The following COL14A1 variants were observed in gnomAD, a reference collection of about 807,000 sequenced individuals.
The protein encoded by COL14A1 is collagen alpha-1(XIV) chain.
In COL14A1, 136 loss-of-function variants were observed where a neutral mutation model predicts 230.3. The observed-to-expected ratio is 0.59, with a 90% CI of 0.51 to 0.68. The LOEUF (loss-of-function observed/expected upper bound fraction) is 0.68. Among genes scored for constraint, COL14A1 ranks in the 30% least tolerant of loss-of-function variants. The pLI is 0.00. For missense variants in COL14A1, 1,976 were observed against 2,215.8 expected, an observed-to-expected ratio of 0.89 and a Z score of 2.17; for synonymous variants, 792 against 784.1, an observed-to-expected ratio of 1.01 and a Z score of -0.17.
At chr8:120,306,654 T>C (rs1820866699) in intron 36 of COL14A1, among the ~76,000 whole-genome samples, 2 of 152,144 alleles carry the variant, frequency 1.3e-5, no homozygotes. Flanking sequence ...AAATGAGTGT[T>C]TTCGTCAACA....
At chr8:120,337,401 TAAAAAAAAAAAAA>T in intron 42 of COL14A1, among the ~76,000 whole-genome samples, 1 of 129,460 alleles carries the variant, frequency 7.7e-6, no homozygotes, top group East Asian at 2.2e-4. Context: ...GTCTCAAAAT[TAAAAAAAAAAAAA>T]AAAAGAAAAA....
intron 12 of COL14A1, 44 bp from the exon 13 acceptor site, chr8:120,212,401 GAAT>G: frequency 6.2e-7 from 1 of 1,602,212 alleles, no homozygotes; most frequent in Non-Finnish European, 8.5e-7. Flanking sequence ...TGATCAGCAT[GAAT>G]AATATGTATT....
chr8:120,204,914 T>C lies in COL14A1; in HGVS notation c.1039+1044T>C, dbSNP rs1391831082. ...TCTCTCTTGATATCATAGATAGGATTGTAGGGGAAAAGATTCATTACCATC... is the reference window on the plus strand; with the variant it reads ...TCTCTCTTGATATCATAGATAGGATCGTAGGGGAAAAGATTCATTACCATC... On this transcript the variant is annotated intron_variant, in intron 9 of 47. Transcript: ENST00000297848. 2.6e-5 allele frequency among the ~76,000 whole-genome samples: 4 copies of C among 152,106 alleles called. No homozygotes were observed. In the East Asian group the frequency reaches 5.8e-4, roughly 22 times the overall value.
At chr8:120,159,912 G>C (rs1162908916) in intron 3 of COL14A1, among the ~76,000 whole-genome samples, 2 of 152,042 alleles carry the variant, frequency 1.3e-5, no homozygotes, top group Admixed American at 1.3e-4. Flanking sequence ...GACTAGTCTT[G>C]AACTCCTGAC....
chr8:120,234,779 T>A (rs1380338647), intron 19 of COL14A1, among the ~76,000 whole-genome samples: 1 of 152,180 alleles, frequency 6.6e-6, no homozygotes, highest in Non-Finnish European at 1.5e-5. Context: ...ATGTTCTTTT[T>A]TTGTTGTGTC....
chr8:120,310,689 G>C (rs191118447), intron 37 of COL14A1, among the ~76,000 whole-genome samples: 49 of 152,320 alleles, frequency 3.2e-4, no homozygotes, highest in African/African-American at 1.2e-3. Context: ...CTTCTCTCCA[G>C]CTCTTGGCAA....
intron 3 of COL14A1, among the ~76,000 whole-genome samples, chr8:120,161,687 G>A (rs189861360): frequency 1.6e-3 from 243 of 152,032 alleles, no homozygotes; most frequent in African/African-American, 5.3e-3. Flanking sequence ...TTTTGAGGCG[G>A]AGTCTCGGTC....
rs1247673055 is a variant in COL14A1, at chr8:120,280,967, A to G, written c.3732A>G (p.Ser1244=). 8.7e-6 allele frequency: 14 copies of G among 1,608,980 alleles called. No homozygotes were observed. Among genetic ancestry groups the G allele is most frequent in the Non-Finnish European group, 1.2e-5 (14 of 1,178,200 alleles). ...TTGGTTTGGTTGAAAAAGATTTTTC[A>G]TCAGTGGAAGGGGTTTCTATGGAGC... The part of the protein sequence containing the change: ...EMFGLVEKDF[S]SVEGVSMEPG... Residue 1244 remains serine, a synonymous_variant, in exon 31 of 48, where the codon TCA becomes TCG. Coordinates refer to ENST00000297848, the MANE Select transcript of COL14A1 (RefSeq NM_021110.4).
chr8:120,178,777 G>T (rs551007686), intron 5 of COL14A1, among the ~76,000 whole-genome samples: 1 of 152,100 alleles, frequency 6.6e-6, no homozygotes, highest in Non-Finnish European at 1.5e-5. Flanking sequence ...ATTCTAACTG[G>T]CATTAGATGA....
At chr8:120,200,755 A>G (rs1174455339) in intron 8 of COL14A1, among the ~76,000 whole-genome samples, 9 of 58,264 alleles carry the variant, frequency 1.5e-4, no homozygotes, top group African/African-American at 5.5e-4. Flanking sequence ...ATATATATAT[A>G]TATATATATA....
Position 120,342,451 on chromosome 8 carries a change from G to A in COL14A1, c.4888+5G>A. The A allele has an allele frequency of 6.2e-7, 1 of 1,613,134 alleles. No homozygotes were observed. Among genetic ancestry groups the A allele is most frequent in the Non-Finnish European group, 8.5e-7 (1 of 1,179,092 alleles). ...TATGCGAACAGCTCATCCAGAGTAA[G>A]TATGTAATGGTTACGGAGGATGTTC... On this transcript the variant is annotated splice_donor_5th_base_variant and intron_variant, in intron 44 of 47. Transcript: ENST00000297848.
At chr8:120,248,954 C>A in intron 21 of COL14A1, among the ~76,000 whole-genome samples, 1 of 103,630 alleles carries the variant, frequency 9.6e-6, no homozygotes, top group Non-Finnish European at 1.7e-5. Context: ...GAGACGGAGT[C>A]TCGCTCTGTC....
chr8:120,315,687 T>C (rs1821200183), intron 39 of COL14A1, 101 bp downstream of exon 39: 1 of 1,023,082 alleles, frequency 9.8e-7, no homozygotes, highest in Admixed American at 2.2e-5. Context: ...TCTTGGTAAG[T>C]GTTTTCCATA....
Position 120,208,340 on chromosome 8 carries a change from C to T in COL14A1, c.1300C>T (p.Leu434=), listed in dbSNP as rs1817512182. ...CTATGCCCACACTGCTAGTGAAGGC[C>T]TACGGGGAACTGAAACTACACGTAT... The part of the protein sequence containing the change: ...AIYAHTASEG[L]RGTETTLALP... The change falls in exon 11 of 48, where the codon CTA becomes TTA. Residue 434 remains leucine, a synonymous_variant. Coordinates refer to ENST00000297848, the MANE Select transcript of COL14A1 (RefSeq NM_021110.4). 1 of 1,613,086 alleles carries T rather than the reference C, an allele frequency of 6.2e-7. No homozygotes were observed. Among genetic ancestry groups the T allele is most frequent in the African/African-American group, 1.3e-5 (1 of 74,908 alleles).
At chr8:120,132,230 TC>T (rs1222422895) in intron 1 of COL14A1, among the ~76,000 whole-genome samples, 1 of 152,186 alleles carries the variant, frequency 6.6e-6, no homozygotes, top group Non-Finnish European at 1.5e-5. Context: ...GAGTTAATTT[TC>T]ATATATGGTG....
intron 23 of COL14A1, 48 bp downstream of exon 23, chr8:120,255,404 G>A: frequency 7.3e-7 from 1 of 1,362,918 alleles, no homozygotes; most frequent in Non-Finnish European, 1.1e-6. Context: ...TTGTGTATTT[G>A]ATTCTTTGCA....
At chr8:120,280,456 A>C (rs777749267) in intron 29 of COL14A1, among the ~76,000 whole-genome samples, 1 of 152,228 alleles carries the variant, frequency 6.6e-6, no homozygotes, top group African/African-American at 2.4e-5. Flanking sequence ...GCCCCAATAC[A>C]TGCTCTCAGG....
intron 20 of COL14A1, among the ~76,000 whole-genome samples, chr8:120,245,942 C>A (rs993595429): frequency 1.3e-5 from 2 of 152,088 alleles, no homozygotes; most frequent in African/African-American, 4.8e-5. Flanking sequence ...GTCATAGAAC[C>A]CACTCAGATC....
rs183807676 is a variant in COL14A1 at position 120,372,852 on chromosome 8, T to C, written c.*1621T>C. On this transcript the variant is annotated 3_prime_UTR_variant, in exon 48 of 48. Coordinates refer to ENST00000297848, the MANE Select transcript of COL14A1 (RefSeq NM_021110.4). ...GGGGCGGGGGGCGGTTCTAAACAAA[T>C]CAGTTTTTTTGGTGTCTTTGCAGGG... is the stretch of plus-strand genomic sequence containing the variant. Among the ~76,000 whole-genome samples, 172 of 152,140 alleles carry C rather than the reference T, an allele frequency of 1.1e-3. No homozygotes were observed. The highest frequency in any genetic ancestry group is 2.2e-3 in the Non-Finnish European group (152 of 67,990).
Sources: allele counts gnomAD v4.1 joint callset (sites outside exome capture counted in the v4.1 genomes callset), GRCh38; gene constraint gnomAD v4.1.1; transcripts MANE v1.5; gene names NCBI Gene and HGNC (gene_info 2026-07-23, HGNC 2026-07-21).